OPHN1: variants seen among roughly 807,000 people sequenced by gnomAD.
The protein encoded by OPHN1 is oligophrenin-1.
In OPHN1, 11 loss-of-function variants were observed where a neutral mutation model predicts 60.7. The observed-to-expected ratio is 0.18, with a 90% CI of 0.11 to 0.30. The LOEUF (loss-of-function observed/expected upper bound fraction) is 0.30. OPHN1 is among the 10% of genes least tolerant of loss of function. OPHN1 has a pLI of 1.00. For synonymous variants in OPHN1, 226 were observed against 222.6 expected, an observed-to-expected ratio of 1.02 and a Z score of -0.14; for missense variants, 449 against 611.0, an observed-to-expected ratio of 0.73 and a Z score of 2.80.
At chrX:68,135,178 C>T (rs979328252) in intron 15 of OPHN1, among the ~76,000 whole-genome samples, 8 of 111,664 alleles carry the variant, frequency 7.2e-5, no homozygotes, top group South Asian at 3.8e-4. Flanking sequence ...TATTCACGTT[C>T]GAAGATTCCT....
intron 2 of OPHN1, among the ~76,000 whole-genome samples, chrX:68,318,053 T>A (rs1456789003): frequency 3.6e-5 from 4 of 112,177 alleles, no homozygotes; most frequent in Non-Finnish European, 5.6e-5. Flanking sequence ...TTCCTAGAAC[T>A]AATAAATCAG....
At chrX:68,301,445 C>CAAAAAA (rs56927719) in intron 2 of OPHN1, among the ~76,000 whole-genome samples, 23 of 35,230 alleles carry the variant, frequency 6.5e-4, no homozygotes, top group East Asian at 1.0e-3. Context: ...GACTCCATCT[C>CAAAAAA]AAAAAAAAAA....
rs571929207 is a variant in OPHN1, at chrX:68,374,869, G to T, written c.154+57998C>A. On this transcript the variant is annotated intron_variant, in intron 2 of 24. Transcript: ENST00000355520. ...ATGGCAATTAAGCACCTGAAAATAC[G>T]TTCAACGTCATTAGTCATTATGGAA... Among the ~76,000 whole-genome samples the T allele has an allele frequency of 1.2e-4, 14 of 112,005 alleles. No homozygotes were observed. The South Asian group carries it at 5.2e-3, about 41-fold the overall frequency.
At chrX:68,357,984 A>G (rs766602270) in intron 2 of OPHN1, among the ~76,000 whole-genome samples, 4 of 109,618 alleles carry the variant, frequency 3.6e-5, no homozygotes, top group South Asian at 7.8e-4. Flanking sequence ...GCAAGTACTA[A>G]TTACATTAAG....
At chrX:68,262,821 A>G (rs76425931) in intron 5 of OPHN1, among the ~76,000 whole-genome samples, 6 of 85,000 alleles carry the variant, frequency 7.1e-5, no homozygotes, top group African/African-American at 1.1e-4. Context: ...GGACAGGACA[A>G]GAAAGGAAAG....
chrX:68,131,041 GA>G (rs2077192000), intron 15 of OPHN1, among the ~76,000 whole-genome samples: 1 of 110,844 alleles, frequency 9.0e-6, no homozygotes, highest in Admixed American at 9.7e-5. Flanking sequence ...AAAAATAAGG[GA>G]GAGATACCCT....
At chrX:68,099,322 T>C (rs2077049184) in intron 18 of OPHN1, among the ~76,000 whole-genome samples, 1 of 111,789 alleles carries the variant, frequency 8.9e-6, no homozygotes, top group African/African-American at 3.3e-5. Context: ...AACTCTCTAG[T>C]CCACTGAGGT....
At chrX:68,212,452 G>GCGCA (rs1015201196) in intron 7 of OPHN1, among the ~76,000 whole-genome samples, 5 of 111,189 alleles carry the variant, frequency 4.5e-5, no homozygotes, top group African/African-American at 1.6e-4. Context: ...GGCCGTGGTG[G>GCGCA]CGCACGCCTG....
At chrX:68,277,905 T>C (rs2078000114) in intron 4 of OPHN1, among the ~76,000 whole-genome samples, 1 of 112,549 alleles carries the variant, frequency 8.9e-6, no homozygotes, top group Non-Finnish European at 1.9e-5. Flanking sequence ...AAGCACTGTA[T>C]GGAGCTGGGC....
intron 5 of OPHN1, among the ~76,000 whole-genome samples, chrX:68,241,048 G>A (rs2077778035): frequency 9.0e-6 from 1 of 111,158 alleles, no homozygotes; most frequent in African/African-American, 3.3e-5. Flanking sequence ...TTTTCTTATG[G>A]TTAGAAAACA....
Position 68,258,853 on chromosome X carries a change from C to A in OPHN1, c.384+15885G>T, listed in dbSNP as rs750703705. 2.5e-3 allele frequency among the ~76,000 whole-genome samples: 274 copies of A among 111,692 alleles called. 2 individuals are homozygous for A. Among genetic ancestry groups the A allele is most frequent in the African/African-American group, 8.4e-3 (258 of 30,717 alleles). The stretch of plus-strand genomic sequence containing the variant: ...TCCTTCTCTATATACAGATTAGAGA[C>A]ACAATACACACTTGCTGAATCAAAT... On this transcript the variant is annotated intron_variant, in intron 5 of 24. Coordinates refer to ENST00000355520, the MANE Select transcript of OPHN1 (RefSeq NM_002547.3).
intron 5 of OPHN1, among the ~76,000 whole-genome samples, chrX:68,267,552 A>G (rs1037112757): frequency 4.4e-5 from 5 of 112,546 alleles, no homozygotes; most frequent in African/African-American, 1.6e-4. Flanking sequence ...AACTGATAGC[A>G]CTAAATGCCC....
chrX:68,076,426 G>A (rs1037093474), intron 19 of OPHN1, among the ~76,000 whole-genome samples: 9 of 107,588 alleles, frequency 8.4e-5, no homozygotes, highest in African/African-American at 2.7e-4. Flanking sequence ...CAATGAAATA[G>A]ATCATCTGAA....
At chrX:68,274,053 A>C (rs1008133968) in intron 5 of OPHN1, among the ~76,000 whole-genome samples, 2 of 111,671 alleles carry the variant, frequency 1.8e-5, no homozygotes, top group African/African-American at 3.3e-5. Context: ...CACCACTAGG[A>C]GAACAGCATC....
chrX:68,194,549 G>A, intron 12 of OPHN1, 51 bp from the exon 13 acceptor site: 1 of 983,872 alleles, frequency 1.0e-6, no homozygotes, highest in Non-Finnish European at 1.4e-6. Flanking sequence ...AATCAATATA[G>A]GAAAACAGAG....
intron 2 of OPHN1, among the ~76,000 whole-genome samples, chrX:68,386,825 T>C (rs1227080963): frequency 8.9e-6 from 1 of 112,172 alleles, no homozygotes; most frequent in Non-Finnish European, 1.9e-5. Context: ...TCTGCAACTG[T>C]TATTAAACTT....
At chrX:68,210,907 T>A (rs769449590) in intron 8 of OPHN1, among the ~76,000 whole-genome samples, 7 of 111,649 alleles carry the variant, frequency 6.3e-5, no homozygotes, top group African/African-American at 1.9e-4. Context: ...TACCCAGTCT[T>A]AAAATTATGA....
intron 18 of OPHN1, among the ~76,000 whole-genome samples, chrX:68,103,665 C>T (rs1211520699): frequency 2.7e-5 from 3 of 110,385 alleles, no homozygotes; most frequent in Non-Finnish European, 3.8e-5. Flanking sequence ...GTTGATGGAA[C>T]GTATCTCAAA....
At chrX:68,398,662 A>C (rs1457519490) in intron 2 of OPHN1, among the ~76,000 whole-genome samples, 1 of 110,909 alleles carries the variant, frequency 9.0e-6, no homozygotes, top group African/African-American at 3.3e-5. Flanking sequence ...ATATATACAA[A>C]ATCTGGCCAG....
Sources: allele counts gnomAD v4.1 joint callset (sites outside exome capture counted in the v4.1 genomes callset), GRCh38; gene constraint gnomAD v4.1.1; transcripts MANE v1.5; gene names NCBI Gene and HGNC (gene_info 2026-07-23, HGNC 2026-07-21).